SH2D4A: variants seen among roughly 807,000 people sequenced by gnomAD.
The protein encoded by SH2D4A is SH2 domain-containing protein 4A.
Under a neutral mutation model 64.7 loss-of-function variants are expected in SH2D4A, and 70 were observed. That is an observed-to-expected ratio of 1.08 (90% confidence interval 0.89 to 1.32). The LOEUF (loss-of-function observed/expected upper bound fraction) is 1.32, where lower values mean the gene tolerates loss of function less well. Ranked by LOEUF, SH2D4A falls within the 40% of genes most tolerant of loss-of-function variation. The pLI, the probability that SH2D4A is intolerant of heterozygous loss-of-function variation, is 0.00. For synonymous variants in SH2D4A, 268 were observed against 200.7 expected (o/e 1.34, Z -2.83); for missense variants, 706 against 540.1 (o/e 1.31, Z -3.04).
chr8:19,379,111 A>C (rs1585203153), intron 8 of SH2D4A, among the ~76,000 whole-genome samples: 2 of 150,552 alleles, frequency 1.3e-5, no homozygotes, highest in African/African-American at 2.4e-5. Flanking sequence ...AGCTATTACC[A>C]CCATCCATCT....
intron 8 of SH2D4A, among the ~76,000 whole-genome samples, chr8:19,378,737 T>G (rs1004677287): frequency 1.2e-4 from 18 of 151,922 alleles, no homozygotes; most frequent in Admixed American, 1.2e-3. Flanking sequence ...CATTCAGTGT[T>G]AAATATATCC....
chr8:19,365,733 C>A (rs1293715125), intron 7 of SH2D4A, among the ~76,000 whole-genome samples: 1 of 152,124 alleles, frequency 6.6e-6, no homozygotes, highest in African/African-American at 2.4e-5. Flanking sequence ...GTGAGTCAGA[C>A]TGGGTGGTTT....
chr8:19,351,784 C>CATT (rs2052708877), intron 4 of SH2D4A, among the ~76,000 whole-genome samples: 1 of 151,852 alleles, frequency 6.6e-6, no homozygotes, highest in African/African-American at 2.4e-5. Flanking sequence ...ACAACCCTAC[C>CATT]ATTATTATTA....
At chr8:19,362,754 A>ACAAAT (rs1236639452) in intron 6 of SH2D4A, among the ~76,000 whole-genome samples, 5 of 152,160 alleles carry the variant, frequency 3.3e-5, no homozygotes, top group Non-Finnish European at 1.5e-5. Flanking sequence ...ACAAAACAAA[A>ACAAAT]CAAAACAAAA....
chr8:19,382,465 A>T (rs975041208), intron 8 of SH2D4A, among the ~76,000 whole-genome samples: 1 of 152,164 alleles, frequency 6.6e-6, no homozygotes, highest in Admixed American at 6.6e-5. Flanking sequence ...TTCACTTTCA[A>T]TACAATATTC....
At position 19,394,271 on chromosome 8, in the gene SH2D4A, G is replaced by C. The variant is rs552292692; in HGVS notation, c.1273-279G>C. Among the ~76,000 whole-genome samples, 5 of 152,284 alleles carry C rather than the reference G, an allele frequency of 3.3e-5. No individual in the cohort carries two copies. The South Asian group carries it at 1.0e-3, about 32-fold the overall frequency. On this transcript the variant is annotated intron_variant, in intron 9 of 9. Transcript: ENST00000265807. Reference sequence around the variant, plus strand: ...TCCACTGCTCACCTCCTGCTATACAGCCCAGTTCTAACAGGCCACAGACTG... The same window carrying C: ...TCCACTGCTCACCTCCTGCTATACACCCCAGTTCTAACAGGCCACAGACTG...
intron 4 of SH2D4A, among the ~76,000 whole-genome samples, chr8:19,335,882 C>G (rs143635085): frequency 7.0e-4 from 98 of 139,318 alleles, no homozygotes; most frequent in African/African-American, 2.7e-3. Context: ...CCTTATTATT[C>G]TACCAGGAAT....
At chr8:19,346,904 C>G (rs1460573122) in intron 4 of SH2D4A, among the ~76,000 whole-genome samples, 1 of 152,166 alleles carries the variant, frequency 6.6e-6, no homozygotes, top group Non-Finnish European at 1.5e-5. Context: ...TATCAGGAGG[C>G]CAGGCTTCGT....
chr8:19,337,221 T>A (rs2052458327), intron 4 of SH2D4A, among the ~76,000 whole-genome samples: 1 of 152,186 alleles, frequency 6.6e-6, no homozygotes, highest in Non-Finnish European at 1.5e-5. Flanking sequence ...TGAAGTTCAC[T>A]CTGACAGCAG....
At chr8:19,324,242 T>G (rs186078644) in intron 2 of SH2D4A, among the ~76,000 whole-genome samples, 2 of 152,194 alleles carry the variant, frequency 1.3e-5, no homozygotes, top group African/African-American at 2.4e-5. Context: ...CTATGTCAAG[T>G]TGATGGAAAC....
intron 5 of SH2D4A, among the ~76,000 whole-genome samples, chr8:19,357,818 A>G (rs1447058298): frequency 2.0e-5 from 3 of 152,150 alleles, no homozygotes; most frequent in Non-Finnish European, 4.4e-5. Context: ...CATGTCATAA[A>G]TTGCTCAAAA....
chr8:19,337,536 G>T lies in SH2D4A; in HGVS notation c.513+2679G>T, dbSNP rs117616789. Among the ~76,000 whole-genome samples the T allele has an allele frequency of 9.1e-3, 1,386 of 152,182 alleles. 16 individuals are homozygous for T. The highest frequency in any genetic ancestry group is 0.014 in the Non-Finnish European group (944 of 67,986). On this transcript the variant is annotated intron_variant, in intron 4 of 9. Transcript: ENST00000265807. ...AGTGTCCTTATAAGAGGAGAGCCAA[G>T]GAAAATGTGAGAGAGAGTGTACTAG...
At chr8:19,351,318 T>C (rs182408308) in intron 4 of SH2D4A, among the ~76,000 whole-genome samples, 78 of 152,294 alleles carry the variant, frequency 5.1e-4, no homozygotes, top group African/African-American at 1.5e-3. Flanking sequence ...TGAAACTAGA[T>C]CTCTGCTGGG....
chr8:19,333,815 T>G (rs2052400114), intron 3 of SH2D4A, among the ~76,000 whole-genome samples: 1 of 151,692 alleles, frequency 6.6e-6, no homozygotes, highest in Non-Finnish European at 1.5e-5. Flanking sequence ...TTGAAAGGAG[T>G]GGTTTTCCAG....
chr8:19,394,804 G>C lies in SH2D4A; in HGVS notation c.*162G>C, dbSNP rs1235332447. ...GAGTCCTCATTGACACCTCTTTTCT[G>C]CACAAATACTGGAATTCAATGTCAA... On this transcript the variant is annotated 3_prime_UTR_variant, in exon 10 of 10. Coordinates refer to ENST00000265807, the MANE Select transcript of SH2D4A (RefSeq NM_022071.4). 4.7e-6 allele frequency: 2 copies of C among 423,214 alleles called. No individual in the cohort carries two copies. The highest frequency in any genetic ancestry group is 8.3e-6 in the Non-Finnish European group (2 of 240,996). 26.2% of individuals were successfully genotyped at this position (423,214 alleles called of 1,614,324 possible). A position where few individuals can be genotyped will look rare whatever the true frequency, so the allele number is the denominator to read the frequency against.
chr8:19,391,243 C>A (rs1048430287), intron 8 of SH2D4A, among the ~76,000 whole-genome samples: 2 of 152,054 alleles, frequency 1.3e-5, no homozygotes, highest in South Asian at 4.1e-4. Context: ...ATCAATGGGA[C>A]CAGGTATGCT....
intron 7 of SH2D4A, among the ~76,000 whole-genome samples, chr8:19,364,578 C>G (rs1305962318): frequency 6.6e-6 from 1 of 152,070 alleles, no homozygotes; most frequent in Admixed American, 6.6e-5. Context: ...TCCCCTTTCC[C>G]TCCCCCGCCC....
rs569034941 is a variant in SH2D4A at position 19,361,280 on chromosome 8, G to A, written c.672G>A (p.Lys224=). The change falls in exon 6 of 10, where the codon AAG becomes AAA. Residue 224 remains lysine, a synonymous_variant. Transcript: ENST00000265807. The part of the protein sequence containing the change: ...IEEERTKQIC[K]SWKEDSEWQA... ...AAGAGAGAACGAAGCAGATTTGTAA[G>A]AGCTGGAAAGAAGACTCGGAATGGC... is the stretch of plus-strand genomic sequence containing the variant. 1.9e-6 allele frequency: 3 copies of A among 1,612,294 alleles called. No homozygotes were observed. In the South Asian group the frequency reaches 3.3e-5, roughly 18 times the overall value.
chr8:19,345,570 G>C (rs538458711), intron 4 of SH2D4A, among the ~76,000 whole-genome samples: 1 of 152,272 alleles, frequency 6.6e-6, no homozygotes, highest in Non-Finnish European at 1.5e-5. Context: ...GTATTCTTTG[G>C]TCAAGTGGCA....
Sources: gnomAD v4.1 joint callset for allele counts (sites outside exome capture counted in the v4.1 genomes callset) on GRCh38, gnomAD v4.1.1 for gene constraint, MANE v1.5 for transcripts, NCBI Gene and HGNC (gene_info 2026-07-23, HGNC 2026-07-21) for gene names.